Variants in HS3ST4 observed in about 807,000 individuals in gnomAD.
HS3ST4 encodes heparan sulfate-glucosamine 3-sulfotransferase 4, also known as heparan sulfate glucosamine 3-O-sulfotransferase 4.
A neutral mutation model predicts 29.2 loss-of-function variants in HS3ST4; 17 were observed. The ratio of observed to expected loss-of-function variants is 0.58; its 90% CI spans 0.40 to 0.87. The LOEUF (loss-of-function observed/expected upper bound fraction) is 0.87, where lower values mean the gene tolerates loss of function less well. HS3ST4 is among the 40% of genes least tolerant of loss of function. The probability of loss-of-function intolerance (pLI) is 0.00; values close to 1 mark genes in which losing one functional copy is unlikely to be tolerated. For missense variants in HS3ST4, 627 were observed against 634.5 expected (o/e 0.99, Z 0.13); for synonymous variants, 314 against 285.7 (o/e 1.10, Z -1.00).
At chr16:25,818,347 A>G (rs1376737245) in intron 1 of HS3ST4, among the ~76,000 whole-genome samples, 4 of 152,194 alleles carry the variant, frequency 2.6e-5, no homozygotes, top group South Asian at 2.1e-4. Flanking sequence ...ACACAGCTAG[A>G]AGGTGTCATC....
At chr16:25,725,637 AATTAT>A (rs1418431489) in intron 1 of HS3ST4, among the ~76,000 whole-genome samples, 1 of 151,704 alleles carries the variant, frequency 6.6e-6, no homozygotes, top group Non-Finnish European at 1.5e-5. Context: ...GCAATTTGAA[AATTAT>A]ATTTAATTGT....
At chr16:26,028,272 C>CAAAAAAA (rs57920476) in intron 1 of HS3ST4, among the ~76,000 whole-genome samples, 14 of 48,544 alleles carry the variant, frequency 2.9e-4, no homozygotes, top group East Asian at 6.6e-4. Context: ...GACACCGTCT[C>CAAAAAAA]AAAAAAAAAA....
intron 1 of HS3ST4, among the ~76,000 whole-genome samples, chr16:26,035,598 G>T (rs1390636754): frequency 6.6e-6 from 1 of 152,132 alleles, no homozygotes; most frequent in Non-Finnish European, 1.5e-5. Flanking sequence ...CTCACCTATT[G>T]ATTGTAATTT....
chr16:25,852,547 A>AT lies in HS3ST4; in HGVS notation c.734+159405dup, dbSNP rs75579101. 5.2e-3 allele frequency among the ~76,000 whole-genome samples: 769 copies of AT among 147,622 alleles called. 8 individuals carry two copies. Among genetic ancestry groups the AT allele is most frequent in the African/African-American group, 0.018 (710 of 40,338 alleles). ...GAATTTCATATGCACATTATTTCCC[A>AT]TTTTTTTTTAAATGGGCAATCTTTT... On this transcript the variant is annotated intron_variant, in intron 1 of 1. Transcript: ENST00000331351.
At chr16:25,759,754 A>G (rs1038036807) in intron 1 of HS3ST4, among the ~76,000 whole-genome samples, 2 of 152,122 alleles carry the variant, frequency 1.3e-5, no homozygotes, top group Non-Finnish European at 2.9e-5. Flanking sequence ...GTGAGACGCC[A>G]TCTCTATGAA....
intron 1 of HS3ST4, among the ~76,000 whole-genome samples, chr16:25,795,323 A>G (rs1231044312): frequency 1.3e-5 from 2 of 151,636 alleles, no homozygotes; most frequent in Non-Finnish European, 2.9e-5. Flanking sequence ...TTTATGCTTT[A>G]GTCTGAGCCT....
intron 1 of HS3ST4, among the ~76,000 whole-genome samples, chr16:26,087,898 C>T (rs1378164014): frequency 2.0e-5 from 3 of 152,012 alleles, no homozygotes; most frequent in East Asian, 3.9e-4. Flanking sequence ...CAAATTATTT[C>T]GCTTTGCCCT....
intron 1 of HS3ST4, among the ~76,000 whole-genome samples, chr16:25,923,499 A>T (rs1455610826): frequency 6.6e-6 from 1 of 152,200 alleles, no homozygotes; most frequent in East Asian, 1.9e-4. Flanking sequence ...TTGGCAGAAT[A>T]AGAGTGAACA....
intron 1 of HS3ST4, among the ~76,000 whole-genome samples, chr16:25,942,049 C>T (rs1968577415): frequency 6.6e-6 from 1 of 152,138 alleles, no homozygotes; most frequent in South Asian, 2.1e-4. Flanking sequence ...AGAATTAGCT[C>T]ATTTAATGTA....
chr16:25,910,306 T>C (rs1000492900), intron 1 of HS3ST4, among the ~76,000 whole-genome samples: 12 of 152,218 alleles, frequency 7.9e-5, no homozygotes, highest in African/African-American at 2.7e-4. Flanking sequence ...TCAACTCCGA[T>C]GTTACATCAG....
At position 25,955,429 on chromosome 16, in the gene HS3ST4, T is replaced by G. The variant is rs116216441; in HGVS notation, c.735-180183T>G. Among the ~76,000 whole-genome samples the G allele has an allele frequency of 3.2e-3, 485 of 152,354 alleles. 4 individuals are homozygous for G. The highest frequency in any genetic ancestry group is 0.011 in the African/African-American group (469 of 41,588). On this transcript the variant is annotated intron_variant, in intron 1 of 1. Coordinates refer to ENST00000331351, the MANE Select transcript of HS3ST4 (RefSeq NM_006040.3). ...TTTTTCTTAGTGCAAGTTTTCATTC[T>G]TGACAGTTGGTCTCCTGGAAACCCA...
rs76305450 is a variant in HS3ST4 at position 25,986,875 on chromosome 16, T to C, written c.735-148737T>C. ...TGTAATTTTCAGATGGCAGTTTGTT[T>C]TGCCACTGCGCTACATCTCAGGCTT... On this transcript the variant is annotated intron_variant, in intron 1 of 1. Transcript: ENST00000331351. Among the ~76,000 whole-genome samples the C allele has an allele frequency of 2.0e-4, 31 of 152,364 alleles. No homozygotes were observed. The East Asian group carries it at 5.8e-3, about 28-fold the overall frequency.
chr16:25,837,465 G>C (rs932253053), intron 1 of HS3ST4, among the ~76,000 whole-genome samples: 1 of 152,082 alleles, frequency 6.6e-6, no homozygotes, highest in Non-Finnish European at 1.5e-5. Flanking sequence ...AAAAGACTAG[G>C]GCATGGGGAG....
intron 1 of HS3ST4, among the ~76,000 whole-genome samples, chr16:25,832,214 T>G (rs1254328480): frequency 1.3e-5 from 2 of 152,216 alleles, no homozygotes; most frequent in Non-Finnish European, 2.9e-5. Context: ...GTCTTGTTCC[T>G]TAGTCAACCG....
At chr16:25,846,757 A>G (rs532020803) in intron 1 of HS3ST4, among the ~76,000 whole-genome samples, 33 of 152,192 alleles carry the variant, frequency 2.2e-4, no homozygotes, top group African/African-American at 7.9e-4. Flanking sequence ...TCAATCTATA[A>G]TTTATTTTTA....
At chr16:25,840,966 A>T (rs1174629700) in intron 1 of HS3ST4, among the ~76,000 whole-genome samples, 2 of 143,240 alleles carry the variant, frequency 1.4e-5, no homozygotes, top group East Asian at 4.2e-4. Context: ...TTTAATTTAT[A>T]TTTGTTTGTT....
intron 1 of HS3ST4, among the ~76,000 whole-genome samples, chr16:26,117,896 T>C (rs1200295792): frequency 6.6e-6 from 1 of 152,234 alleles, no homozygotes; most frequent in Non-Finnish European, 1.5e-5. Context: ...ATTATGGTGC[T>C]TGATTCCAAG....
At chr16:25,701,969 C>G (rs1181094589) in intron 1 of HS3ST4, among the ~76,000 whole-genome samples, 1 of 152,140 alleles carries the variant, frequency 6.6e-6, no homozygotes, top group Admixed American at 6.5e-5. Flanking sequence ...AAAGAAATAT[C>G]TATTTCTGAT....
intron 1 of HS3ST4, among the ~76,000 whole-genome samples, chr16:25,823,494 T>A (rs1967183592): frequency 6.6e-6 from 1 of 152,204 alleles, no homozygotes; most frequent in South Asian, 2.1e-4. Context: ...TCATTTAGGA[T>A]GATTTATTAT....
Sources: gnomAD v4.1 joint callset for allele counts (sites outside exome capture counted in the v4.1 genomes callset) on GRCh38, gnomAD v4.1.1 for gene constraint, MANE v1.5 for transcripts, NCBI Gene and HGNC (gene_info 2026-07-23, HGNC 2026-07-21) for gene names.